The following PTPRT variants were observed in gnomAD, a reference collection of about 807,000 sequenced individuals.
PTPRT encodes receptor-type tyrosine-protein phosphatase T.
In PTPRT, 56 loss-of-function variants were observed where a neutral mutation model predicts 176.8. The ratio of observed to expected loss-of-function variants is 0.32; its 90% CI spans 0.26 to 0.40. The LOEUF is 0.40. Ranked by LOEUF, PTPRT falls within the 10% of genes least tolerant of loss-of-function variation. The probability of loss-of-function intolerance (pLI) is 1.00; values close to 1 mark genes in which losing one functional copy is unlikely to be tolerated. For missense variants in PTPRT, 1,540 were observed against 1,908.2 expected, an observed-to-expected ratio of 0.81 and a Z score of 3.60; for synonymous variants, 783 against 739.0, an observed-to-expected ratio of 1.06 and a Z score of -0.96.
chr20:43,013,237 C>T (rs1270823332), intron 1 of PTPRT, among the ~76,000 whole-genome samples: 1 of 152,172 alleles, frequency 6.6e-6, no homozygotes, highest in East Asian at 1.9e-4. Context: ...GCCTGGTCTA[C>T]AGAACCTGAG....
intron 9 of PTPRT, among the ~76,000 whole-genome samples, chr20:42,420,319 GGAATGCT>G (rs1413621428): frequency 3.9e-5 from 6 of 152,068 alleles, no homozygotes; most frequent in African/African-American, 1.4e-4. Flanking sequence ...TCATGAAAAA[GGAATGCT>G]GAACTCGTTT....
At chr20:42,491,633 A>G (rs1330694087) in intron 7 of PTPRT, among the ~76,000 whole-genome samples, 1 of 152,178 alleles carries the variant, frequency 6.6e-6, no homozygotes, top group African/African-American at 2.4e-5. Context: ...TCCACCCTGG[A>G]TGATAAAGCA....
chr20:42,678,300 A>G (rs751669385), intron 6 of PTPRT, 141 bp from the exon 7 acceptor site: 13 of 806,192 alleles, frequency 1.6e-5, no homozygotes, highest in African/African-American at 3.5e-5. Flanking sequence ...TTATTTTATT[A>G]TTTTTATTTT....
At chr20:42,085,177 A>G (rs1983758696) in intron 28 of PTPRT, among the ~76,000 whole-genome samples, 2 of 152,108 alleles carry the variant, frequency 1.3e-5, no homozygotes, top group South Asian at 2.1e-4. Flanking sequence ...AACATGTCTC[A>G]CTGTCTCAGT....
At chr20:42,668,954 C>T (rs1039016454) in intron 7 of PTPRT, among the ~76,000 whole-genome samples, 2 of 150,202 alleles carry the variant, frequency 1.3e-5, no homozygotes, top group African/African-American at 4.9e-5. Flanking sequence ...TCATGATCCG[C>T]CCGCCTCGGC....
At chr20:43,167,936 A>G (rs6030681) in intron 1 of PTPRT, among the ~76,000 whole-genome samples, 55,316 of 152,086 alleles carry the variant, frequency 0.36, 13,098 homozygotes, top group African/African-American at 0.66. Flanking sequence ...AAAAGCAAAG[A>G]ACTCAGTTAA....
chr20:42,947,986 T>TGAAA (rs893036683), intron 1 of PTPRT, among the ~76,000 whole-genome samples: 14 of 145,610 alleles, frequency 9.6e-5, no homozygotes, highest in Admixed American at 2.7e-4. Flanking sequence ...ATGCATTTGT[T>TGAAA]GAATGAATGA....
chr20:42,062,629 A>G, the PTPRT span, among the ~76,000 whole-genome samples: 1 of 152,102 alleles, frequency 6.6e-6, no homozygotes, highest in Non-Finnish European at 1.5e-5. Context: ...TCAAGCCCTT[A>G]TTCCACAAAT....
At chr20:42,066,890 AC>A in the PTPRT span, among the ~76,000 whole-genome samples, 2 of 152,226 alleles carry the variant, frequency 1.3e-5, no homozygotes, top group African/African-American at 4.8e-5. Flanking sequence ...GGATACAACA[AC>A]AAAAAATTTC....
chr20:43,127,417 C>T (rs1412494480), intron 1 of PTPRT, among the ~76,000 whole-genome samples: 1 of 137,680 alleles, frequency 7.3e-6, no homozygotes, highest in Non-Finnish European at 1.6e-5. Context: ...AGCGAGACTC[C>T]ATCTCAAAAA....
At chr20:42,428,056 C>T (rs2059182381) in intron 9 of PTPRT, among the ~76,000 whole-genome samples, 1 of 152,210 alleles carries the variant, frequency 6.6e-6, no homozygotes, top group Admixed American at 6.5e-5. Flanking sequence ...CCATGTTGCT[C>T]ACACAAAGCC....
chr20:43,040,924 T>C (rs1483190547), intron 1 of PTPRT, among the ~76,000 whole-genome samples: 1 of 152,216 alleles, frequency 6.6e-6, no homozygotes, highest in Non-Finnish European at 1.5e-5. Flanking sequence ...ACCTGGAACA[T>C]TTAGCATTCT....
chr20:42,968,209 TG>T (rs1982412607), intron 1 of PTPRT, among the ~76,000 whole-genome samples: 1 of 152,190 alleles, frequency 6.6e-6, no homozygotes, highest in Non-Finnish European at 1.5e-5. Context: ...AGAGCGGAGT[TG>T]TCTCCTCTGG....
chr20:42,613,941 T>C (rs555879101), intron 7 of PTPRT, among the ~76,000 whole-genome samples: 8 of 138,784 alleles, frequency 5.8e-5, no homozygotes, highest in Admixed American at 1.6e-4. Context: ...ATACATCCCT[T>C]GTGTATGAGT....
At position 42,517,459 on chromosome 20, in the gene PTPRT, T is replaced by A. The variant is rs573230471; in HGVS notation, c.1154-44897A>T. 8.5e-5 allele frequency among the ~76,000 whole-genome samples: 13 copies of A among 152,140 alleles called. No individual in the cohort carries two copies. In the East Asian group the frequency reaches 2.1e-3, roughly 25 times the overall value. On this transcript the variant is annotated intron_variant, in intron 7 of 30. Transcript: ENST00000373187. ...TTAGCTTTTATTATGGAATTAACTT[T>A]GACTTTGCCAATCTTTCTATTGTAC...
chr20:42,700,148 C>T (rs1474760254), intron 6 of PTPRT, among the ~76,000 whole-genome samples: 1 of 152,160 alleles, frequency 6.6e-6, no homozygotes, highest in African/African-American at 2.4e-5. Flanking sequence ...TCTAACCTAG[C>T]GTTTGGGGAT....
At chr20:42,967,795 C>T (rs372989013) in intron 1 of PTPRT, among the ~76,000 whole-genome samples, 54 of 151,916 alleles carry the variant, frequency 3.6e-4, no homozygotes, top group African/African-American at 1.2e-3. Context: ...TCGCTGCCTT[C>T]AGCCTCGCCC....
intron 7 of PTPRT, among the ~76,000 whole-genome samples, chr20:42,626,509 A>G (rs372844990): frequency 1.3e-5 from 2 of 152,204 alleles, no homozygotes; most frequent in South Asian, 2.1e-4. Flanking sequence ...TCAGTTCTTC[A>G]GTACACTACT....
intron 1 of PTPRT, among the ~76,000 whole-genome samples, chr20:43,006,191 T>G (rs1984846946): frequency 1.3e-5 from 2 of 152,208 alleles, no homozygotes; most frequent in African/African-American, 4.8e-5. Flanking sequence ...GATACATTTT[T>G]AAAACAGAAA....
Sources: gnomAD v4.1 joint callset for allele counts (sites outside exome capture counted in the v4.1 genomes callset) on GRCh38, gnomAD v4.1.1 for gene constraint, MANE v1.5 for transcripts, NCBI Gene and HGNC (gene_info 2026-07-23, HGNC 2026-07-21) for gene names.